Variants in RAD51B observed in about 807,000 individuals in gnomAD.
RAD51B encodes the protein DNA repair protein RAD51 homolog 2.
RAD51B carries 38 observed loss-of-function variants against 42.2 expected under a neutral mutation model. The ratio of observed to expected loss-of-function variants is 0.90; its 90% confidence interval spans 0.70 to 1.18. RAD51B has a LOEUF of 1.18. Ranked by LOEUF, RAD51B falls within the 50% of genes most tolerant of loss-of-function variation. The pLI, the probability that RAD51B is intolerant of heterozygous loss-of-function variation, is 0.00. For synonymous variants in RAD51B, 154 were observed against 145.2 expected (o/e 1.06, Z -0.43); for missense variants, 373 against 400.7 (o/e 0.93, Z 0.59).
At chr14:68,183,149 G>A (rs1595520681) in intron 7 of RAD51B, among the ~76,000 whole-genome samples, 2 of 152,144 alleles carry the variant, frequency 1.3e-5, no homozygotes, top group South Asian at 2.1e-4. Flanking sequence ...CGATCACAAG[G>A]TGAGGTCCCA....
chr14:68,145,964 A>T (rs569485952), intron 7 of RAD51B, among the ~76,000 whole-genome samples: 2 of 152,354 alleles, frequency 1.3e-5, no homozygotes, highest in African/African-American at 4.8e-5. Flanking sequence ...TTACTGAACT[A>T]TGTGATGAAC....
intron 7 of RAD51B, among the ~76,000 whole-genome samples, chr14:68,250,404 C>G (rs1390624716): frequency 6.6e-6 from 1 of 152,166 alleles, no homozygotes; most frequent in African/African-American, 2.4e-5. Flanking sequence ...ATATTTGTTT[C>G]TGAGTCAAGA....
At chr14:68,517,215 A>AAAGGGAAGGG (rs769067834) in intron 10 of RAD51B, among the ~76,000 whole-genome samples, 1 of 127,156 alleles carries the variant, frequency 7.9e-6, no homozygotes, top group African/African-American at 3.0e-5. Flanking sequence ...CAAAGAAAAG[A>AAAGGGAAGGG]AAGGGAAGGG....
intron 9 of RAD51B, among the ~76,000 whole-genome samples, chr14:68,447,813 G>T (rs2085457496): frequency 6.6e-6 from 1 of 152,014 alleles, no homozygotes. Context: ...AACCTTTTCT[G>T]GGTTAGTTTC....
chr14:68,601,476 T>C (rs1397045098), intron 10 of RAD51B, among the ~76,000 whole-genome samples: 3 of 152,188 alleles, frequency 2.0e-5, no homozygotes, highest in African/African-American at 7.2e-5. Context: ...CATTAATTAA[T>C]GTTTTTGAGC....
intron 10 of RAD51B, among the ~76,000 whole-genome samples, chr14:68,572,911 T>C (rs1889780425): frequency 6.6e-6 from 1 of 152,134 alleles, no homozygotes; most frequent in African/African-American, 2.4e-5. Flanking sequence ...CAGAACCCTA[T>C]GAAGAATGGG....
chr14:67,920,450 A>G (rs2044286606), intron 7 of RAD51B, among the ~76,000 whole-genome samples: 1 of 152,192 alleles, frequency 6.6e-6, no homozygotes, highest in South Asian at 2.1e-4. Context: ...TTTGTATCAC[A>G]TCAGTATTTC....
intron 4 of RAD51B, among the ~76,000 whole-genome samples, chr14:67,853,272 A>T (rs922664929): frequency 1.1e-4 from 16 of 152,220 alleles, no homozygotes; most frequent in Non-Finnish European, 2.2e-4. Context: ...TGAGATCTTG[A>T]TTTCAACCTT....
At chr14:68,448,701 A>G (rs1444328022) in intron 9 of RAD51B, among the ~76,000 whole-genome samples, 1 of 152,204 alleles carries the variant, frequency 6.6e-6, no homozygotes, top group Non-Finnish European at 1.5e-5. Context: ...TTTCAGTGGC[A>G]CCCAGCTAGA....
intron 10 of RAD51B, among the ~76,000 whole-genome samples, chr14:68,525,114 A>T (rs1352754015): frequency 6.6e-6 from 1 of 152,266 alleles, no homozygotes; most frequent in Non-Finnish European, 1.5e-5. Context: ...TATGTGGAAG[A>T]GAGAGGCAGA....
chr14:68,223,594 G>A (rs1246823585), intron 7 of RAD51B, among the ~76,000 whole-genome samples: 2 of 152,114 alleles, frequency 1.3e-5, no homozygotes, highest in South Asian at 2.1e-4. Context: ...AGCTCCTTCT[G>A]GGTAGTTAAG....
At chr14:68,461,281 C>T (rs1301865688) in intron 9 of RAD51B, among the ~76,000 whole-genome samples, 4 of 147,486 alleles carry the variant, frequency 2.7e-5, no homozygotes, top group East Asian at 2.0e-4. Context: ...GCAGCCCGCA[C>T]GGATACCCTG....
At chr14:68,423,444 G>A (rs1025252907) in intron 9 of RAD51B, among the ~76,000 whole-genome samples, 5 of 152,018 alleles carry the variant, frequency 3.3e-5, no homozygotes, top group Non-Finnish European at 5.9e-5. Context: ...CAAGCCTCAC[G>A]AAAACTCTGA....
chr14:68,234,829 T>G (rs1242828936), intron 7 of RAD51B, among the ~76,000 whole-genome samples: 1 of 152,168 alleles, frequency 6.6e-6, no homozygotes, highest in African/African-American at 2.4e-5. Flanking sequence ...CTAAATTTAT[T>G]TTACAAATTT....
chr14:68,479,074 C>G (rs889005385), downstream of RAD51B, among the ~76,000 whole-genome samples: 2 of 152,038 alleles, frequency 1.3e-5, no homozygotes, highest in Non-Finnish European at 2.9e-5. Flanking sequence ...CATCGGAAGG[C>G]AAGAAGGATT....
intron 9 of RAD51B, among the ~76,000 whole-genome samples, chr14:68,449,475 T>G (rs2085502552): frequency 6.6e-6 from 1 of 152,180 alleles, no homozygotes; most frequent in Non-Finnish European, 1.5e-5. Flanking sequence ...ATTGAGCTTT[T>G]TTCTTAAGAT....
chr14:68,231,273 C>G (rs1484776615), intron 7 of RAD51B, among the ~76,000 whole-genome samples: 1 of 152,046 alleles, frequency 6.6e-6, no homozygotes, highest in African/African-American at 2.4e-5. Flanking sequence ...TCTCTCTTTG[C>G]CTCTGTTCCT....
chr14:67,891,676 T>C (rs1276595352), intron 7 of RAD51B, among the ~76,000 whole-genome samples: 1 of 151,638 alleles, frequency 6.6e-6, no homozygotes, highest in African/African-American at 2.4e-5. Flanking sequence ...TTTTACACCA[T>C]GAGCTGTTCC....
intron 7 of RAD51B, among the ~76,000 whole-genome samples, chr14:67,970,526 T>G (rs1010680995): frequency 6.6e-6 from 1 of 152,060 alleles, no homozygotes; most frequent in Non-Finnish European, 1.5e-5. Flanking sequence ...TAGATTTTTA[T>G]TTTTATGTTT....
Sources: allele counts gnomAD v4.1 joint callset (sites outside exome capture counted in the v4.1 genomes callset), GRCh38; gene constraint gnomAD v4.1.1; transcripts MANE v1.5; gene names NCBI Gene and HGNC (gene_info 2026-07-23, HGNC 2026-07-21).